The following LRRFIP1 variants were observed in gnomAD, a reference collection of about 807,000 sequenced individuals.
The protein encoded by LRRFIP1 is leucine-rich repeat flightless-interacting protein 1.
Under a neutral mutation model 104.4 loss-of-function variants are expected in LRRFIP1, and 62 were observed. The ratio of observed to expected loss-of-function variants is 0.59; its 90% CI spans 0.48 to 0.73. The LOEUF is 0.73. LRRFIP1 is among the 30% of genes least tolerant of loss of function. The probability of loss-of-function intolerance (pLI) is 0.00; values close to 1 mark genes in which losing one functional copy is unlikely to be tolerated. For synonymous variants in LRRFIP1, 300 were observed against 299.0 expected (o/e 1.00, Z -0.03); for missense variants, 796 against 824.5 (o/e 0.97, Z 0.42).
intron 2 of LRRFIP1, 123 bp downstream of exon 2, chr2:237,708,753 T>C (rs1046254863): frequency 4.6e-5 from 51 of 1,116,532 alleles, no homozygotes; most frequent in Non-Finnish European, 6.6e-5. Flanking sequence ...ACGGTCAGAG[T>C]GCGTTTGCGC....
chr2:237,708,268 G>C (rs1192217777), intron 1 of LRRFIP1, among the ~76,000 whole-genome samples: 1 of 152,160 alleles, frequency 6.6e-6, no homozygotes, highest in Non-Finnish European at 1.5e-5. Flanking sequence ...AACAGTCTCG[G>C]CCTAATGAGG....
Position 237,711,829 on chromosome 2 carries a change from A to G in LRRFIP1, c.184-2430A>G, listed in dbSNP as rs1041714537. On this transcript the variant is annotated intron_variant, in intron 2 of 23. Transcript: ENST00000308482. This position sits in a 1 kb window ranked among gnomAD's most constrained non-coding sequence, Gnocchi z 4.4. ...CACTCCTTGTGGCAGCAGAGGATGG[A>G]CATGGCAGACAGGAAGCTGCCCTGG... Among the ~76,000 whole-genome samples, 9 of 152,310 alleles carry G rather than the reference A, an allele frequency of 5.9e-5. No homozygotes were observed. The highest frequency in any genetic ancestry group is 6.8e-3 in the Middle Eastern group (2 of 294).
chr2:237,683,320 A>C (rs1056279261), intron 1 of LRRFIP1: 3 of 152,238 alleles, frequency 2.0e-5, no homozygotes, highest in African/African-American at 7.2e-5. Flanking sequence ...TCATCATGCC[A>C]AGGCAGCTGC....
chr2:237,712,782 C>A lies in LRRFIP1; in HGVS notation c.184-1477C>A, dbSNP rs1413842406. On this transcript the variant is annotated intron_variant, in intron 2 of 23. Coordinates refer to ENST00000308482, the MANE Select transcript of LRRFIP1 (RefSeq NM_001137550.2). Reference sequence around the variant, plus strand: ...TGCCTGGAGGATTTGGGAAGGTGCACTGACGACACCTCCCTCACGCTCTTC... The same window carrying A: ...TGCCTGGAGGATTTGGGAAGGTGCAATGACGACACCTCCCTCACGCTCTTC... 3.9e-5 allele frequency among the ~76,000 whole-genome samples: 6 copies of A among 152,306 alleles called. 1 individual carries two copies. In the South Asian group the frequency reaches 1.0e-3, roughly 26 times the overall value.
At chr2:237,681,218 C>T (rs78398577) in intron 1 of LRRFIP1, among the ~76,000 whole-genome samples, 1,817 of 152,286 alleles carry the variant, frequency 0.012, 27 homozygotes, top group East Asian at 0.047. Flanking sequence ...AACCTGCGTA[C>T]TGTAAAAAGA....
At position 237,774,278 on chromosome 2, in the gene LRRFIP1, CTT is replaced by C. The variant is rs976810434; in HGVS notation, c.1708-78_1708-77del. On this transcript the variant is annotated intron_variant, in intron 22 of 23. Coordinates refer to ENST00000308482, the MANE Select transcript of LRRFIP1 (RefSeq NM_001137550.2). ...TTCTCCCATTTTATTAAATCACACT[CTT>C]TGATCTCAAAGTAAAGAAACTGAAG... The C allele has an allele frequency of 4.2e-5, 34 of 813,206 alleles. No individual in the cohort carries two copies. In the African/African-American group the frequency reaches 5.0e-4, roughly 12 times the overall value. The allele number at this position is 813,206 out of a possible 1,614,324, so 50.4% of individuals were successfully genotyped here.
intron 1 of LRRFIP1, among the ~76,000 whole-genome samples, chr2:237,684,009 A>G (rs2092107268): frequency 6.6e-6 from 1 of 152,178 alleles, no homozygotes; most frequent in Admixed American, 6.5e-5. Flanking sequence ...TGGATTCTGA[A>G]GTTTTCAGCT....
intron 1 of LRRFIP1, among the ~76,000 whole-genome samples, chr2:237,688,378 C>T (rs2092527086): frequency 6.6e-6 from 1 of 151,702 alleles, no homozygotes; most frequent in Non-Finnish European, 1.5e-5. Context: ...GCCCTGGTCA[C>T]TGACCTCTCA....
intron 6 of LRRFIP1, among the ~76,000 whole-genome samples, chr2:237,723,190 A>G (rs1156318213): frequency 2.0e-5 from 3 of 152,204 alleles, no homozygotes; most frequent in African/African-American, 7.2e-5. Flanking sequence ...TGGAAAATCT[A>G]GATTTTTAAT....
intron 1 of LRRFIP1, among the ~76,000 whole-genome samples, chr2:237,633,335 C>T (rs1044856593): frequency 1.3e-5 from 2 of 152,148 alleles, no homozygotes; most frequent in African/African-American, 4.8e-5. Context: ...TGTGCGATTC[C>T]CAAAAGATGC....
intron 1 of LRRFIP1, among the ~76,000 whole-genome samples, chr2:237,697,290 T>C (rs2093254631): frequency 6.6e-6 from 1 of 152,206 alleles, no homozygotes; most frequent in African/African-American, 2.4e-5. Context: ...CCCAAAGTGC[T>C]GGGATTACAG....
Position 237,733,832 on chromosome 2 carries a change from C to T in LRRFIP1, c.489+14C>T. The T allele has an allele frequency of 6.2e-7, 1 of 1,613,900 alleles. No homozygotes were observed. Among genetic ancestry groups the T allele is most frequent in the African/African-American group, 1.3e-5 (1 of 75,080 alleles). ...GGGAGTTACCGGGTGCGTGTGCTGC[C>T]CACCCTGCTGCCCCGCACCCCCTCC... On this transcript the variant is annotated intron_variant, in intron 9 of 23. Transcript: ENST00000308482.
chr2:237,757,581 A>G, intron 17 of LRRFIP1, 33 bp downstream of exon 17: 1 of 1,467,178 alleles, frequency 6.8e-7, no homozygotes, highest in Non-Finnish European at 9.4e-7. Flanking sequence ...ATCTACTCAA[A>G]TGGGCAGCCT....
At chr2:237,707,824 T>C (rs531257976) in intron 1 of LRRFIP1, among the ~76,000 whole-genome samples, 9 of 152,314 alleles carry the variant, frequency 5.9e-5, no homozygotes, top group East Asian at 1.9e-4. Context: ...AAAATACTTA[T>C]ATGGAGGCTG....
chr2:237,629,293 A>G (rs955839775), intron 1 of LRRFIP1, among the ~76,000 whole-genome samples: 10 of 152,204 alleles, frequency 6.6e-5, no homozygotes, highest in African/African-American at 2.2e-4. Flanking sequence ...CCTCCTGTGA[A>G]GACAGTCACT....
At chr2:237,653,071 C>G (rs2086202421) in intron 1 of LRRFIP1, among the ~76,000 whole-genome samples, 1 of 152,158 alleles carries the variant, frequency 6.6e-6, no homozygotes, top group South Asian at 2.1e-4. Flanking sequence ...TCCCCTTTAC[C>G]CTTCCACCAT....
chr2:237,637,850 T>A (rs1427600262), intron 1 of LRRFIP1, among the ~76,000 whole-genome samples: 1 of 152,238 alleles, frequency 6.6e-6, no homozygotes, highest in Non-Finnish European at 1.5e-5. Flanking sequence ...TTGATTTCTT[T>A]CATTTTTATT....
intron 1 of LRRFIP1, among the ~76,000 whole-genome samples, chr2:237,690,990 G>C (rs1219754760): frequency 1.3e-5 from 2 of 151,418 alleles, no homozygotes; most frequent in Middle Eastern, 3.4e-3. Context: ...GTCGTCCTTC[G>C]GCTCCTCAGC....
chr2:237,764,969 T>G, intron 19 of LRRFIP1: 1 of 985,430 alleles, frequency 1.0e-6, no homozygotes, highest in Non-Finnish European at 1.2e-6. Context: ...AGTCATTTTT[T>G]AAATGTTTTT....
Sources: allele counts gnomAD v4.1 joint callset (sites outside exome capture counted in the v4.1 genomes callset), GRCh38; gene constraint gnomAD v4.1.1; non-coding constraint Gnocchi (gnomAD v3.1); transcripts MANE v1.5; gene names NCBI Gene and HGNC (gene_info 2026-07-23, HGNC 2026-07-21).